The following FYCO1 variants were observed in gnomAD, a reference collection of about 807,000 sequenced individuals.
The protein encoded by FYCO1 is FYVE and coiled-coil domain autophagy adaptor 1, also known as FYVE and coiled-coil domain-containing protein 1.
Under a neutral mutation model 165.1 loss-of-function variants are expected in FYCO1, and 122 were observed. That is an observed-to-expected ratio of 0.74 (90% CI 0.64 to 0.86). The LOEUF is 0.86. Ranked by LOEUF, FYCO1 falls within the 40% of genes least tolerant of loss-of-function variation. FYCO1 has a pLI of 0.00. For synonymous variants in FYCO1, 648 were observed against 742.5 expected, an observed-to-expected ratio of 0.87 and a Z score of 2.07; for missense variants, 1,702 against 1,810.3, an observed-to-expected ratio of 0.94 and a Z score of 1.09.
At position 45,918,020 on chromosome 3, in the gene FYCO1, T is replaced by C. The variant is rs772923099; in HGVS notation, c.*3745A>G. 1.3e-5 allele frequency: 2 copies of C among 152,628 alleles called. No homozygotes were observed. Among genetic ancestry groups the C allele is most frequent in the African/African-American group, 2.4e-5 (1 of 41,458 alleles). 9.5% of individuals were successfully genotyped at this position (152,628 alleles called of 1,614,324 possible). ...GGGATACAAAAGTTTTCCACCCCCATTGAGCAGGTGGGGTGCTGGTATTTG... is the reference window on the plus strand; with the variant it reads ...GGGATACAAAAGTTTTCCACCCCCACTGAGCAGGTGGGGTGCTGGTATTTG... On this transcript the variant is annotated 3_prime_UTR_variant, in exon 18 of 18. Transcript: ENST00000296137.
At chr3:45,946,671 A>T (rs1183828003) in intron 14 of FYCO1, 3 of 1,614,182 alleles carry the variant, frequency 1.9e-6, no homozygotes, top group Non-Finnish European at 2.5e-6. Flanking sequence ...TAAGTTGCAG[A>T]GCCTGACGGA....
In FYCO1 at chr3:45,923,694, G is replaced by A. The variant is rs757773779; in HGVS notation, c.4323C>T (p.Pro1441=). The A allele has an allele frequency of 2.9e-5, 46 of 1,613,998 alleles. No individual in the cohort carries two copies. In the East Asian group the frequency reaches 4.2e-4, roughly 15 times the overall value. ...TGTCGAAGATGAGCATGTAGATGCC[G>A]GGTGTGCGAACCTTGAGCTGGCCCT... ...NIQGQLKVRT[P]GIYMLIFDNT... The change falls in exon 17 of 18, where the codon CCC becomes CCT. Residue 1441 remains proline, a synonymous_variant. Transcript: ENST00000296137.
chr3:45,926,349 GA>G (rs770231893), intron 16 of FYCO1, among the ~76,000 whole-genome samples: 4 of 152,180 alleles, frequency 2.6e-5, no homozygotes, highest in Non-Finnish European at 5.9e-5. Flanking sequence ...CTAACCAAAA[GA>G]ATGCTGGTTT....
At chr3:45,991,082 T>G (rs539491503) in intron 1 of FYCO1, among the ~76,000 whole-genome samples, 1 of 152,236 alleles carries the variant, frequency 6.6e-6, no homozygotes. Flanking sequence ...CCGGCCATCA[T>G]GAGCACATTT....
At chr3:45,994,378 T>C (rs1262043950) in intron 1 of FYCO1, among the ~76,000 whole-genome samples, 1 of 152,184 alleles carries the variant, frequency 6.6e-6, no homozygotes, top group African/African-American at 2.4e-5. Flanking sequence ...ACTTTGAACA[T>C]AAACAGATAA....
intron 1 of FYCO1, among the ~76,000 whole-genome samples, chr3:45,985,434 C>A (rs1015180909): frequency 6.6e-6 from 1 of 152,206 alleles, no homozygotes; most frequent in African/African-American, 2.4e-5. Context: ...CCATCTCCCC[C>A]ACACCTGGCC....
intron 1 of FYCO1, among the ~76,000 whole-genome samples, chr3:45,991,202 T>A (rs1193455987): frequency 6.6e-6 from 1 of 152,226 alleles, no homozygotes; most frequent in Non-Finnish European, 1.5e-5. Context: ...ATTGTGAACA[T>A]TATGTTGTAA....
At chr3:45,944,630 T>C (rs536819846) in intron 14 of FYCO1, among the ~76,000 whole-genome samples, 5 of 152,330 alleles carry the variant, frequency 3.3e-5, no homozygotes, top group African/African-American at 9.6e-5. Flanking sequence ...TTTCATACTC[T>C]ATTTGCACAG....
chr3:45,966,916 C>T lies in FYCO1; in HGVS notation c.2418G>A (p.Gln806=). The T allele has an allele frequency of 6.2e-7, 1 of 1,613,770 alleles. No homozygotes were observed. Among genetic ancestry groups the T allele is most frequent in the Non-Finnish European group, 8.5e-7 (1 of 1,180,034 alleles). The change falls in exon 8 of 18, where the codon CAG becomes CAA. Residue 806 remains glutamine, a synonymous_variant. Coordinates refer to ENST00000296137, the MANE Select transcript of FYCO1 (RefSeq NM_024513.4). ...TGCTTAGCTGGCTCTGCACCTTGTC[C>T]TGGTCATCCAGGGCTGCCCGCATCT... The part of the protein sequence containing the change: ...QAKMRAALDD[Q]DKVQSQLSMA...
chr3:45,942,517 C>T (rs1257103025), intron 14 of FYCO1, among the ~76,000 whole-genome samples: 8 of 152,108 alleles, frequency 5.3e-5, no homozygotes, highest in Admixed American at 3.3e-4. Context: ...AGTGCAGAGC[C>T]AGAGAAGGCA....
intron 14 of FYCO1, among the ~76,000 whole-genome samples, chr3:45,951,628 T>C (rs1187254141): frequency 6.6e-6 from 1 of 152,166 alleles, no homozygotes; most frequent in Non-Finnish European, 1.5e-5. Flanking sequence ...ACCTGGTCAG[T>C]GTAGATGGTG....
rs375472333 is a variant in FYCO1, at chr3:45,921,613, CA to C, written c.*151del. 5.5e-4 allele frequency: 374 copies of C among 684,750 alleles called. 3 individuals carry two copies. The highest frequency in any genetic ancestry group is 5.1e-3 in the African/African-American group (291 of 56,644). The allele number at this position is 684,750 out of a possible 1,614,324, so 42.4% of individuals were successfully genotyped here. On this transcript the variant is annotated 3_prime_UTR_variant, in exon 18 of 18. Transcript: ENST00000296137. ...AGTGGCCGGTGCAGAGTGCTGAGCACAAAGTCCTCCCCAGACACCGCCTCTG... is the reference window on the plus strand; with the variant it reads ...AGTGGCCGGTGCAGAGTGCTGAGCACAAGTCCTCCCCAGACACCGCCTCTG...
At chr3:45,981,536 G>C (rs755835181) in intron 3 of FYCO1, 34 bp downstream of exon 3, 9 of 1,302,392 alleles carry the variant, frequency 6.9e-6, no homozygotes, top group Non-Finnish European at 8.9e-6. Flanking sequence ...AGAGATACCA[G>C]TGCAAAAATC....
At chr3:45,946,331 G>A in intron 14 of FYCO1, 2 of 659,824 alleles carry the variant, frequency 3.0e-6, no homozygotes, top group Non-Finnish European at 5.2e-6. Context: ...GGACTGTGCT[G>A]TTTCTACACA....
intron 14 of FYCO1, chr3:45,947,565 C>T (rs769969745): frequency 7.3e-7 from 1 of 1,365,648 alleles, no homozygotes; most frequent in Non-Finnish European, 1.0e-6. Flanking sequence ...TGGCTGTGCC[C>T]TCTTGATGTG....
chr3:45,918,667 C>T lies in FYCO1; in HGVS notation c.*3098G>A, dbSNP rs780604311. ...GCTCTGTGATTTCATCCCCAACTGG[C>T]GATTTCCTTTCATTTGGGCCTGAAA... On this transcript the variant is annotated 3_prime_UTR_variant, in exon 18 of 18. Coordinates refer to ENST00000296137, the MANE Select transcript of FYCO1 (RefSeq NM_024513.4). 5 of 152,150 alleles carry T rather than the reference C, an allele frequency of 3.3e-5. No homozygotes were observed. Among genetic ancestry groups the T allele is most frequent in the Non-Finnish European group, 7.4e-5 (5 of 68,026 alleles). 9.4% of individuals were successfully genotyped at this position (152,150 alleles called of 1,614,324 possible).
intron 2 of FYCO1, among the ~76,000 whole-genome samples, chr3:45,982,384 C>G (rs1226237733): frequency 1.3e-5 from 2 of 152,032 alleles, no homozygotes; most frequent in Non-Finnish European, 2.9e-5. Flanking sequence ...GAGGAGTGTA[C>G]AGAGAAATCA....
chr3:45,992,981 C>A (rs971521464), intron 1 of FYCO1, among the ~76,000 whole-genome samples: 4 of 152,188 alleles, frequency 2.6e-5, no homozygotes, highest in African/African-American at 9.7e-5. Context: ...ATGCTAAGGA[C>A]TTCCCCTAAC....
chr3:45,923,670 G>A lies in FYCO1; in HGVS notation c.4347C>T (p.Asp1449=). 1 of 1,612,610 alleles carries A rather than the reference G, an allele frequency of 6.2e-7. No individual in the cohort carries two copies. The change falls in exon 17 of 18, where the codon GAC becomes GAT. Residue 1449 remains aspartate, a synonymous_variant. Coordinates refer to ENST00000296137, the MANE Select transcript of FYCO1 (RefSeq NM_024513.4). The part of the protein sequence containing the change: ...RTPGIYMLIF[D]NTFSRFVSKK... ...GGTGGCCCTACCTTGAGAAGGTATTGTCGAAGATGAGCATGTAGATGCCGG... is the reference window on the plus strand; with the variant it reads ...GGTGGCCCTACCTTGAGAAGGTATTATCGAAGATGAGCATGTAGATGCCGG...
Sources: gnomAD v4.1 joint callset for allele counts (sites outside exome capture counted in the v4.1 genomes callset) on GRCh38, gnomAD v4.1.1 for gene constraint, MANE v1.5 for transcripts, NCBI Gene and HGNC (gene_info 2026-07-23, HGNC 2026-07-21) for gene names.